The following F13A1 variants were observed in gnomAD, a reference collection of about 807,000 sequenced individuals.
F13A1 encodes FSF, A subunit.
F13A1 carries 47 observed loss-of-function variants against 80.1 expected under a neutral mutation model. The ratio of observed to expected loss-of-function variants is 0.59; its 90% CI spans 0.46 to 0.75. The LOEUF (loss-of-function observed/expected upper bound fraction) is 0.75, where lower values mean the gene tolerates loss of function less well. Among genes scored for constraint, F13A1 ranks in the 30% least tolerant of loss-of-function variants. The pLI is 0.00. For synonymous variants in F13A1, 349 were observed against 344.9 expected (o/e 1.01, Z -0.13); for missense variants, 817 against 930.4 (o/e 0.88, Z 1.59).
intron 13 of F13A1, among the ~76,000 whole-genome samples, chr6:6,166,628 G>A (rs1173519885): frequency 6.6e-6 from 1 of 152,192 alleles, no homozygotes; most frequent in Non-Finnish European, 1.5e-5. Flanking sequence ...TTCCAGGGCA[G>A]GAAGGCGTCT....
intron 8 of F13A1, among the ~76,000 whole-genome samples, chr6:6,204,354 G>C (rs772209093): frequency 1.3e-5 from 2 of 152,234 alleles, no homozygotes; most frequent in African/African-American, 2.4e-5. Flanking sequence ...GAAAGCCCTG[G>C]AGGAGATGTC....
At chr6:6,175,197 C>G (rs1228702098) in intron 11 of F13A1, among the ~76,000 whole-genome samples, 2 of 152,154 alleles carry the variant, frequency 1.3e-5, no homozygotes, top group Non-Finnish European at 2.9e-5. Context: ...TGTCAGTTTG[C>G]TTGCTTTTCT....
At chr6:6,286,587 A>T (rs1018237367) in intron 3 of F13A1, among the ~76,000 whole-genome samples, 1 of 152,204 alleles carries the variant, frequency 6.6e-6, no homozygotes. Context: ...CTGTAGATCC[A>T]TGTGGATTCA....
rs113481403 is a variant in F13A1 at position 6,145,427 on chromosome 6, C to T, written c.*192G>A. The T allele has an allele frequency of 7.3e-5, 50 of 687,648 alleles. 1 individual carries two copies. In the African/African-American group the frequency reaches 8.0e-4, roughly 11 times the overall value. 42.6% of individuals were successfully genotyped at this position (687,648 alleles called of 1,614,324 possible). ...GGAAGGTGGAGAGATTAAAAACTAACTTCCTTGCCGAATAGCCTGGGTTTG... is the reference window on the plus strand; with the variant it reads ...GGAAGGTGGAGAGATTAAAAACTAATTTCCTTGCCGAATAGCCTGGGTTTG... On this transcript the variant is annotated 3_prime_UTR_variant, in exon 15 of 15. Transcript: ENST00000264870.
Position 6,145,398 on chromosome 6 carries a change from C to T in F13A1, c.*221G>A, listed in dbSNP as rs3024464. 0.015 allele frequency: 9,068 copies of T among 603,460 alleles called. 650 individuals are homozygous for T. Among genetic ancestry groups the T allele is most frequent in the African/African-American group, 0.15 (8,119 of 54,312 alleles). The allele number at this position is 603,460 out of a possible 1,614,324, so 37.4% of individuals were successfully genotyped here. A position where few individuals can be genotyped will look rare whatever the true frequency, so the allele number is the denominator to read the frequency against. On this transcript the variant is annotated 3_prime_UTR_variant, in exon 15 of 15. Coordinates refer to ENST00000264870, the MANE Select transcript of F13A1 (RefSeq NM_000129.4). ...TTAATTAAAGCTAATGCTTAGCACTCTTTGGAAGGTGGAGAGATTAAAAAC... is the reference window on the plus strand; with the variant it reads ...TTAATTAAAGCTAATGCTTAGCACTTTTTGGAAGGTGGAGAGATTAAAAAC...
In F13A1 at chr6:6,295,937, G is replaced by A. The variant is rs1436887167; in HGVS notation, c.319+9414C>T. Among the ~76,000 whole-genome samples the A allele has an allele frequency of 1.2e-4, 17 of 141,976 alleles. No individual in the cohort carries two copies. In the South Asian group the frequency reaches 3.5e-3, roughly 29 times the overall value. 93.1% of individuals were successfully genotyped at this position (141,976 alleles called of 152,430 possible). On this transcript the variant is annotated intron_variant, in intron 3 of 14. Transcript: ENST00000264870. ...TGATTTTTGTATAAGCTGTAAGGAA[G>A]GGATCCAATTTCAGCTTTCTACATA... is the stretch of plus-strand genomic sequence containing the variant.
At chr6:6,317,663 C>T (rs757628690) in intron 2 of F13A1, among the ~76,000 whole-genome samples, 2 of 152,066 alleles carry the variant, frequency 1.3e-5, no homozygotes, top group Non-Finnish European at 2.9e-5. Context: ...TGAGGGGAAT[C>T]GACCACACAG....
chr6:6,196,714 G>A (rs1272166093), intron 9 of F13A1, among the ~76,000 whole-genome samples: 1 of 152,202 alleles, frequency 6.6e-6, no homozygotes, highest in Non-Finnish European at 1.5e-5. Flanking sequence ...GGTCAGAGCT[G>A]CAGCTGCTTA....
intron 3 of F13A1, among the ~76,000 whole-genome samples, chr6:6,291,692 T>A (rs547855153): frequency 6.6e-6 from 1 of 152,334 alleles, no homozygotes; most frequent in Admixed American, 6.5e-5. Context: ...CTTCTGTTTA[T>A]CTGCTCATTT....
rs1412816524 is a variant in F13A1, at chr6:6,248,532, T to C, written c.691-113A>G. On this transcript the variant is annotated intron_variant, in intron 5 of 14. Coordinates refer to ENST00000264870, the MANE Select transcript of F13A1 (RefSeq NM_000129.4). ...CTAATGTTTAGAAATGTGTGTTTCC[T>C]GTATAGTGATCTCCCATAATCTTTA... 12 of 787,160 alleles carry C rather than the reference T, an allele frequency of 1.5e-5. No homozygotes were observed. The African/African-American group carries it at 1.5e-4, about 10-fold the overall frequency. 48.8% of individuals were successfully genotyped at this position (787,160 alleles called of 1,614,324 possible). A position where few individuals can be genotyped will look rare whatever the true frequency, so the allele number is the denominator to read the frequency against.
At chr6:6,300,258 G>A (rs1758402932) in intron 3 of F13A1, among the ~76,000 whole-genome samples, 3 of 148,806 alleles carry the variant, frequency 2.0e-5, no homozygotes, top group Admixed American at 2.0e-4. Context: ...CTTGAGCTGT[G>A]GTGGGCTCCA....
intron 4 of F13A1, among the ~76,000 whole-genome samples, chr6:6,260,896 A>G (rs937645240): frequency 5.3e-5 from 8 of 152,178 alleles, no homozygotes; most frequent in African/African-American, 1.9e-4. Context: ...AGAGACTGGA[A>G]TTAGGTTCAG....
chr6:6,283,611 T>C (rs751228584), intron 3 of F13A1, among the ~76,000 whole-genome samples: 2 of 152,218 alleles, frequency 1.3e-5, no homozygotes, highest in African/African-American at 2.4e-5. Flanking sequence ...AAAAAACTTT[T>C]AAACAACAAC....
chr6:6,294,732 T>C (rs180678749), intron 3 of F13A1, among the ~76,000 whole-genome samples: 56 of 151,828 alleles, frequency 3.7e-4, no homozygotes, highest in African/African-American at 1.3e-3. Context: ...TTAGTCTTTT[T>C]TTAAAAATTT....
chr6:6,157,664 G>GAT (rs1252752183), intron 13 of F13A1, among the ~76,000 whole-genome samples: 1 of 152,112 alleles, frequency 6.6e-6, no homozygotes, highest in African/African-American at 2.4e-5. Context: ...TTGGGGCCTT[G>GAT]ATATATATTA....
chr6:6,212,317 C>T (rs561879027), intron 8 of F13A1, among the ~76,000 whole-genome samples: 46 of 152,160 alleles, frequency 3.0e-4, no homozygotes, highest in African/African-American at 9.6e-4. Context: ...TCTCCCAGCA[C>T]ACAGCTGGAG....
chr6:6,281,048 G>A (rs1173067295), intron 3 of F13A1, among the ~76,000 whole-genome samples: 3 of 152,142 alleles, frequency 2.0e-5, no homozygotes, highest in Admixed American at 6.5e-5. Context: ...ATTGAACATC[G>A]CATGGCTCCC....
intron 8 of F13A1, among the ~76,000 whole-genome samples, chr6:6,198,371 C>A (rs1274890349): frequency 6.6e-6 from 1 of 152,156 alleles, no homozygotes; most frequent in African/African-American, 2.4e-5. Context: ...AACCCCTCAG[C>A]ACTATAGAAA....
At position 6,318,700 on chromosome 6, in the gene F13A1, AAAG is replaced by A. The variant is rs763849432; in HGVS notation, c.-18-21_-18-19del. The A allele has an allele frequency of 1.3e-5, 21 of 1,603,524 alleles. No individual in the cohort carries two copies. The highest frequency in any genetic ancestry group is 1.7e-5 in the Non-Finnish European group (20 of 1,178,574). The stretch of plus-strand genomic sequence containing the variant: ...ACAAGGTCCTTCAGAAAAAAAAAAA[AAAG>A]AAGACAACAGAAAAGGCATGTAAAG... On this transcript the variant is annotated intron_variant, in intron 1 of 14. Coordinates refer to ENST00000264870, the MANE Select transcript of F13A1 (RefSeq NM_000129.4).
Sources: gnomAD v4.1 joint callset for allele counts (sites outside exome capture counted in the v4.1 genomes callset) on GRCh38, gnomAD v4.1.1 for gene constraint, MANE v1.5 for transcripts, NCBI Gene and HGNC (gene_info 2026-07-23, HGNC 2026-07-21) for gene names.